NRG1: variants seen among roughly 807,000 people sequenced by gnomAD.
NRG1 encodes pro-neuregulin-1, membrane-bound isoform.
In NRG1, 18 loss-of-function variants were observed where a neutral mutation model predicts 63.8. The observed-to-expected ratio is 0.28, with a 90% CI of 0.19 to 0.42. The LOEUF (loss-of-function observed/expected upper bound fraction) is 0.42. Among genes scored for constraint, NRG1 ranks in the 10% least tolerant of loss-of-function variants. The pLI is 1.00. For synonymous variants in NRG1, 302 were observed against 301.3 expected (o/e 1.00, Z -0.02); for missense variants, 762 against 814.7 (o/e 0.94, Z 0.79).
chr8:32,180,950 T>A (rs1285356460), intron 1 of NRG1, among the ~76,000 whole-genome samples: 2 of 152,310 alleles, frequency 1.3e-5, no homozygotes, highest in African/African-American at 4.8e-5. Context: ...TTCTATTCTC[T>A]GCTTCTATGA....
chr8:31,718,577 T>C (rs1296294455), intron 1 of NRG1, among the ~76,000 whole-genome samples: 3 of 152,210 alleles, frequency 2.0e-5, no homozygotes, highest in Non-Finnish European at 2.9e-5. Context: ...TGTTTGATTG[T>C]TTTTATCTCT....
intron 1 of NRG1, among the ~76,000 whole-genome samples, chr8:32,093,201 CAT>C (rs1489920803): frequency 1.3e-5 from 2 of 152,164 alleles, no homozygotes; most frequent in African/African-American, 4.8e-5. Context: ...CTCGCAGAGA[CAT>C]GTGCTGTGTT....
intron 1 of NRG1, among the ~76,000 whole-genome samples, chr8:32,097,543 G>C (rs1357575659): frequency 6.6e-6 from 1 of 152,094 alleles, no homozygotes; most frequent in East Asian, 1.9e-4. Flanking sequence ...ATACTAACTA[G>C]GGTAAGATAA....
intron 1 of NRG1, among the ~76,000 whole-genome samples, chr8:32,463,844 C>CAT (rs924052135): frequency 1.5e-5 from 2 of 134,224 alleles, no homozygotes; most frequent in Admixed American, 1.6e-4. Context: ...AGACCATCTT[C>CAT]ACACACACAC....
chr8:31,869,650 T>C (rs1397162106), intron 1 of NRG1, among the ~76,000 whole-genome samples: 2 of 152,220 alleles, frequency 1.3e-5, no homozygotes, highest in Non-Finnish European at 2.9e-5. Flanking sequence ...GTGTTAGATG[T>C]GAACTTTTGG....
intron 1 of NRG1, among the ~76,000 whole-genome samples, chr8:32,097,533 A>C (rs896416598): frequency 6.6e-6 from 1 of 152,190 alleles, no homozygotes; most frequent in Non-Finnish European, 1.5e-5. Context: ...GATAATAACC[A>C]TACTAACTAG....
In NRG1 at chr8:31,841,535, G is replaced by T. The variant is rs374360104; in HGVS notation, c.37+202104G>T. Among the ~76,000 whole-genome samples the T allele has an allele frequency of 1.1e-4, 16 of 152,198 alleles. 1 individual carries two copies. The highest frequency in any genetic ancestry group is 3.6e-4 in the African/African-American group (15 of 41,538). On this transcript the variant is annotated intron_variant, in intron 1 of 10. Coordinates refer to the NRG1 transcript ENST00000519301. ...TCAATTAGTGGGCTATTTAAAGTGT[G>T]CAATCCACAGATAAAAGGCAAAAAC...
At chr8:32,611,737 A>G (rs1846393737) in intron 3 of NRG1, among the ~76,000 whole-genome samples, 1 of 152,116 alleles carries the variant, frequency 6.6e-6, no homozygotes. Context: ...AAATTTTTGT[A>G]TGTACAGCAG....
chr8:31,966,861 T>TA (rs1806422244), intron 1 of NRG1, among the ~76,000 whole-genome samples: 2 of 151,818 alleles, frequency 1.3e-5, no homozygotes, highest in African/African-American at 2.4e-5. Flanking sequence ...TGGTTTTTTT[T>TA]ATAGACCATG....
At chr8:32,760,401 T>C in exon 11 of NRG1, 2 of 1,612,858 alleles carry the variant, frequency 1.2e-6, no homozygotes, top group Non-Finnish European at 1.7e-6. Context: ...CTCCTCATAG[T>C]GAAAGGTAAA....
chr8:32,344,517 G>T lies in NRG1; in HGVS notation c.38-251311G>T, dbSNP rs140380126. Among the ~76,000 whole-genome samples, 849 of 147,138 alleles carry T rather than the reference G, an allele frequency of 5.8e-3. 5 individuals are homozygous for T. The highest frequency in any genetic ancestry group is 0.018 in the Middle Eastern group (5 of 280). On this transcript the variant is annotated intron_variant, in intron 1 of 10. Transcript: ENST00000519301. ...TACAATCTTGGCTCACTGCAGCCCC[G>T]ACTTCACAAGCTCAGGTGATCTTCC...
chr8:32,561,424 A>G (rs1396430903), intron 1 of NRG1, among the ~76,000 whole-genome samples: 1 of 152,248 alleles, frequency 6.6e-6, no homozygotes, highest in Admixed American at 6.5e-5. Context: ...TGACCATAAA[A>G]TAAGTAGTCC....
At chr8:32,681,591 A>T (rs1040203667) in intron 5 of NRG1, among the ~76,000 whole-genome samples, 3 of 152,198 alleles carry the variant, frequency 2.0e-5, no homozygotes, top group Non-Finnish European at 4.4e-5. Context: ...TCTTTTACAC[A>T]GTGATGAATT....
At chr8:32,454,573 CTTTTTTT>C (rs1158217383) in intron 1 of NRG1, among the ~76,000 whole-genome samples, 5 of 76,408 alleles carry the variant, frequency 6.5e-5, no homozygotes, top group Admixed American at 1.5e-4. Context: ...TCCCATCCCT[CTTTTTTT>C]TTTTTTTTTT....
chr8:32,063,904 G>A (rs1824304399), intron 1 of NRG1, among the ~76,000 whole-genome samples: 1 of 151,976 alleles, frequency 6.6e-6, no homozygotes, highest in African/African-American at 2.4e-5. Context: ...CTGGGTGGGG[G>A]CAGTACGTGG....
At chr8:32,387,529 A>G (rs561528910) in intron 1 of NRG1, among the ~76,000 whole-genome samples, 7 of 152,310 alleles carry the variant, frequency 4.6e-5, no homozygotes, top group South Asian at 4.1e-4. Flanking sequence ...TCTGAGCCAT[A>G]GCTAGGCTTA....
At chr8:31,742,170 G>A (rs999719348) in intron 1 of NRG1, among the ~76,000 whole-genome samples, 1 of 151,838 alleles carries the variant, frequency 6.6e-6, no homozygotes, top group African/African-American at 2.4e-5. Context: ...GTTTTGAAAT[G>A]CATTCATATA....
chr8:32,061,066 C>A (rs996220877), intron 1 of NRG1, among the ~76,000 whole-genome samples: 2 of 151,862 alleles, frequency 1.3e-5, no homozygotes, highest in African/African-American at 4.8e-5. Flanking sequence ...TATACTTATG[C>A]TTTCAAAATA....
intron 1 of NRG1, among the ~76,000 whole-genome samples, chr8:32,309,776 T>C (rs1324084665): frequency 6.6e-6 from 1 of 152,248 alleles, no homozygotes; most frequent in Non-Finnish European, 1.5e-5. Context: ...TTTGTGTCCT[T>C]GTTCCCATGG....
Sources: allele counts gnomAD v4.1 joint callset (sites outside exome capture counted in the v4.1 genomes callset), GRCh38; gene constraint gnomAD v4.1.1; transcripts MANE v1.5; gene names NCBI Gene and HGNC (gene_info 2026-07-23, HGNC 2026-07-21).